BMPR1B: variants seen among roughly 807,000 people sequenced by gnomAD.
BMPR1B encodes the protein bone morphogenetic protein receptor type-1B.
A neutral mutation model predicts 59.1 loss-of-function variants in BMPR1B; 12 were observed. The ratio of observed to expected loss-of-function variants is 0.20; its 90% CI spans 0.13 to 0.33. The LOEUF (loss-of-function observed/expected upper bound fraction) is 0.33. BMPR1B is among the 10% of genes least tolerant of loss of function. BMPR1B has a pLI of 1.00. For synonymous variants in BMPR1B, 237 were observed against 207.3 expected (o/e 1.14, Z -1.23); for missense variants, 550 against 610.9 (o/e 0.90, Z 1.05).
intron 3 of BMPR1B, among the ~76,000 whole-genome samples, chr4:95,096,063 A>G (rs1006042904): frequency 1.3e-5 from 2 of 150,582 alleles, no homozygotes; most frequent in East Asian, 1.9e-4. Context: ...TTTTTCTGCA[A>G]AAATCACGTA....
intron 3 of BMPR1B, among the ~76,000 whole-genome samples, chr4:95,053,313 GT>G (rs1283987372): frequency 2.6e-5 from 4 of 151,402 alleles, no homozygotes; most frequent in African/African-American, 9.7e-5. Flanking sequence ...GTGTGTGTGT[GT>G]GTGTGTGTGA....
At chr4:95,011,360 G>A (rs1015657321) in intron 3 of BMPR1B, among the ~76,000 whole-genome samples, 3 of 152,122 alleles carry the variant, frequency 2.0e-5, no homozygotes, top group African/African-American at 7.2e-5. Context: ...GCTAAGAATA[G>A]TAGCCAGAGG....
intron 1 of BMPR1B, among the ~76,000 whole-genome samples, chr4:94,826,764 C>T (rs1724398442): frequency 6.6e-6 from 1 of 151,974 alleles, no homozygotes; most frequent in South Asian, 2.1e-4. Flanking sequence ...TAAATATATG[C>T]TTATAATATT....
intron 1 of BMPR1B, among the ~76,000 whole-genome samples, chr4:94,792,295 C>T (rs987046638): frequency 1.3e-5 from 2 of 152,014 alleles, no homozygotes; most frequent in East Asian, 1.9e-4. Flanking sequence ...TTTAATGGGG[C>T]TGTTTGTCCC....
intron 2 of BMPR1B, among the ~76,000 whole-genome samples, chr4:94,881,871 T>C (rs1478579978): frequency 1.3e-5 from 2 of 152,206 alleles, no homozygotes; most frequent in Non-Finnish European, 2.9e-5. Flanking sequence ...AAATAATCTT[T>C]GTTAAATAGG....
chr4:95,026,126 C>CTTTCTTTCTTTCTTTCTTTCTT (rs1560602999), intron 3 of BMPR1B, among the ~76,000 whole-genome samples: 11 of 84,886 alleles, frequency 1.3e-4, no homozygotes, highest in African/African-American at 2.8e-4. Flanking sequence ...TTCTTTCTTT[C>CTTTCTTTCTTTCTTTCTTTCTT]TTTCTTTCTT....
chr4:94,911,697 A>G (rs1054195042), intron 2 of BMPR1B, among the ~76,000 whole-genome samples: 12 of 152,166 alleles, frequency 7.9e-5, no homozygotes, highest in Admixed American at 2.0e-4. Flanking sequence ...TGATATCTCA[A>G]AGTTGGAGAT....
rs189830893 is a variant in BMPR1B at position 94,967,949 on chromosome 4, T to C, written c.-112-28091T>C. On this transcript the variant is annotated intron_variant, in intron 2 of 12. Transcript: ENST00000515059. ...AGAGAACATGAGATATGGCACATTC[T>C]GTAAGAATGACCATTTTCTTTATCT... 5.6e-4 allele frequency among the ~76,000 whole-genome samples: 85 copies of C among 152,338 alleles called. No individual in the cohort carries two copies. The East Asian group carries it at 0.015, about 27-fold the overall frequency.
intron 2 of BMPR1B, among the ~76,000 whole-genome samples, chr4:94,893,469 G>A (rs1727473952): frequency 6.6e-6 from 1 of 152,000 alleles, no homozygotes; most frequent in Non-Finnish European, 1.5e-5. Context: ...ACGTGCATAT[G>A]TTCTTAGAGA....
At chr4:95,015,881 C>T (rs1723551261) in intron 3 of BMPR1B, among the ~76,000 whole-genome samples, 2 of 152,084 alleles carry the variant, frequency 1.3e-5, no homozygotes, top group South Asian at 2.1e-4. Flanking sequence ...TTAGTGGAGA[C>T]GGGGTTTCAC....
chr4:94,820,502 C>A (rs1265783530), intron 1 of BMPR1B, among the ~76,000 whole-genome samples: 1 of 152,052 alleles, frequency 6.6e-6, no homozygotes, highest in Non-Finnish European at 1.5e-5. Context: ...GCAGAGTGTT[C>A]CATGGATAAG....
At chr4:94,812,200 A>T (rs1312960248) in intron 1 of BMPR1B, among the ~76,000 whole-genome samples, 1 of 113,238 alleles carries the variant, frequency 8.8e-6, no homozygotes, top group East Asian at 2.7e-4. Context: ...AAAGTCAGTT[A>T]GAGGAGAAGC....
At chr4:95,133,084 C>T (rs1324324692) in intron 10 of BMPR1B, among the ~76,000 whole-genome samples, 1 of 152,180 alleles carries the variant, frequency 6.6e-6, no homozygotes, top group Non-Finnish European at 1.5e-5. Context: ...AGGTATCTGA[C>T]ATCATCTTTC....
intron 3 of BMPR1B, among the ~76,000 whole-genome samples, chr4:95,094,262 C>T (rs1009896120): frequency 2.0e-5 from 3 of 151,954 alleles, no homozygotes; most frequent in Non-Finnish European, 4.4e-5. Flanking sequence ...TTTAGTCATC[C>T]TTGAACAAAC....
chr4:95,013,715 C>T (rs370790889), intron 3 of BMPR1B, among the ~76,000 whole-genome samples: 1 of 151,526 alleles, frequency 6.6e-6, no homozygotes, highest in Non-Finnish European at 1.5e-5. Context: ...AGTCATCAAC[C>T]CACATTGAAG....
intron 1 of BMPR1B, among the ~76,000 whole-genome samples, chr4:94,808,678 A>G (rs1723699786): frequency 6.6e-6 from 1 of 152,190 alleles, no homozygotes; most frequent in Non-Finnish European, 1.5e-5. Flanking sequence ...TTTTGTCAAC[A>G]CTAGCTTGGT....
chr4:95,048,561 A>T (rs1726208961), intron 3 of BMPR1B, among the ~76,000 whole-genome samples: 1 of 152,098 alleles, frequency 6.6e-6, no homozygotes, highest in Admixed American at 6.6e-5. Context: ...GATGTTGAAC[A>T]TTCTTTTCAT....
At chr4:95,073,101 T>C (rs1728439328) in intron 3 of BMPR1B, among the ~76,000 whole-genome samples, 1 of 152,186 alleles carries the variant, frequency 6.6e-6, no homozygotes, top group African/African-American at 2.4e-5. Flanking sequence ...TTCTAAGAGA[T>C]AAGGGGGGGA....
At position 95,060,422 on chromosome 4, in the gene BMPR1B, A is replaced by T. The variant is rs533090768; in HGVS notation, c.-17-43986A>T. 2.1e-3 allele frequency among the ~76,000 whole-genome samples: 327 copies of T among 152,314 alleles called. 2 individuals carry two copies. Among genetic ancestry groups the T allele is most frequent in the African/African-American group, 7.8e-3 (323 of 41,580 alleles). On this transcript the variant is annotated intron_variant, in intron 3 of 12. Coordinates refer to ENST00000515059, the MANE Select transcript of BMPR1B (RefSeq NM_001203.3). ...TTTTATAAAATATTTTATCAGCATGATGTGTTGTTTAATAAAACAGTTGTC... is the reference window on the plus strand; with the variant it reads ...TTTTATAAAATATTTTATCAGCATGTTGTGTTGTTTAATAAAACAGTTGTC...
Sources: gnomAD v4.1 joint callset for allele counts (sites outside exome capture counted in the v4.1 genomes callset) on GRCh38, gnomAD v4.1.1 for gene constraint, MANE v1.5 for transcripts, NCBI Gene and HGNC (gene_info 2026-07-23, HGNC 2026-07-21) for gene names.